ARL3: variants seen among roughly 807,000 people sequenced by gnomAD.
The protein encoded by ARL3 is ARF like GTPase 3.
Under a neutral mutation model 26.0 loss-of-function variants are expected in ARL3, and 9 were observed. The observed-to-expected ratio is 0.35, with a 90% CI of 0.21 to 0.60. The LOEUF (loss-of-function observed/expected upper bound fraction) is 0.60, where lower values mean the gene tolerates loss of function less well. ARL3 is among the 20% of genes least tolerant of loss of function. ARL3 has a pLI of 0.78. For synonymous variants in ARL3, 71 were observed against 78.4 expected, an observed-to-expected ratio of 0.91 and a Z score of 0.50; for missense variants, 158 against 215.7, an observed-to-expected ratio of 0.73 and a Z score of 1.67.
chr10:102,682,048 T>C (rs2064158119), intron 5 of ARL3, among the ~76,000 whole-genome samples: 2 of 152,102 alleles, frequency 1.3e-5, no homozygotes, highest in African/African-American at 4.8e-5. Context: ...CAGTGCAGAA[T>C]GTTTCATCCT....
Position 102,685,941 on chromosome 10 carries a change from T to C in ARL3, c.376A>G (p.Asn126Asp), listed in dbSNP as rs1469039987. ...GCTGCTGTGAGCAAATCCTGCTTATTAGCAAAGATGAGCACTGGCACACAA... is the reference window on the plus strand; with the variant it reads ...GCTGCTGTGAGCAAATCCTGCTTATCAGCAAAGATGAGCACTGGCACACAA... ...LSCVPVLIFANKQDLLTAAPA... is the reference protein window; with the variant it reads ...LSCVPVLIFADKQDLLTAAPA... Residue 126 changes from asparagine (N) to aspartate (D), a missense_variant, in exon 5 of 6, where the codon AAT becomes GAT. Asn to Asp is a conservative substitution (Grantham distance 23). Coordinates refer to ENST00000260746, the MANE Select transcript of ARL3 (RefSeq NM_004311.4). 6.2e-7 allele frequency: 1 copy of C among 1,614,206 alleles called. No individual in the cohort carries two copies. The highest frequency in any genetic ancestry group is 1.7e-5 in the Admixed American group (1 of 60,024).
intron 5 of ARL3, among the ~76,000 whole-genome samples, chr10:102,685,499 TAATATTAGAC>T (rs1289846673): frequency 6.6e-6 from 1 of 152,114 alleles, no homozygotes; most frequent in Non-Finnish European, 1.5e-5. Context: ...TTAGCATCCG[TAATATTAGAC>T]ACAACACAAA....
At chr10:102,709,029 G>A (rs1267045625) in intron 1 of ARL3, among the ~76,000 whole-genome samples, 3 of 150,258 alleles carry the variant, frequency 2.0e-5, no homozygotes, top group South Asian at 2.1e-4. Flanking sequence ...CTCAGCCTCC[G>A]GAGTAGCTGG....
rs61758715 is a variant in ARL3, at chr10:102,699,419, T to C, written c.218A>G (p.Lys73Arg). 2 of 1,613,128 alleles carry C rather than the reference T, an allele frequency of 1.2e-6. No individual in the cohort carries two copies. Among genetic ancestry groups the C allele is most frequent in the Non-Finnish European group, 1.7e-6 (2 of 1,179,318 alleles). ...LNVWDIGGQR[K>R]IRPYWKNYFE... is the part of the protein sequence containing the mutation. ...ATAATTCTTCCAGTATGGTCTGATT[T>C]TCCTCTGTCCACCAATGTCCCATAC... is the stretch of plus-strand genomic sequence containing the variant. Residue 73 changes from lysine to arginine, a missense_variant, in exon 3 of 6, where the codon AAA (lysine) becomes AGA (arginine). Lys to Arg is a conservative substitution (Grantham distance 26). Transcript: ENST00000260746.
At position 102,714,350 on chromosome 10, in the gene ARL3, G is replaced by T; in HGVS notation, c.-75C>A. 2 of 1,273,118 alleles carry T rather than the reference G, an allele frequency of 1.6e-6. No individual in the cohort carries two copies. Among genetic ancestry groups the T allele is most frequent in the Non-Finnish European group, 2.0e-6 (2 of 999,790 alleles). The allele number at this position is 1,273,118 out of a possible 1,614,324, so 78.9% of individuals were successfully genotyped here. A position where few individuals can be genotyped will look rare whatever the true frequency, so the allele number is the denominator to read the frequency against. On this transcript the variant is annotated 5_prime_UTR_variant, in exon 1 of 6. Coordinates refer to ENST00000260746, the MANE Select transcript of ARL3 (RefSeq NM_004311.4). ...TACCAGGGGCAACTGCTGCGGCGCC[G>T]CCCCCGACGTCCCTCGCACGCACAG...
At chr10:102,679,007 T>C (rs1298895407) in intron 5 of ARL3, among the ~76,000 whole-genome samples, 3 of 152,206 alleles carry the variant, frequency 2.0e-5, no homozygotes, top group Admixed American at 2.0e-4. Context: ...GCTGCAACCC[T>C]GAGTGTGGGA....
Position 102,674,757 on chromosome 10 carries a change from A to G in ARL3, c.*2137T>C, listed in dbSNP as rs1040961808. The stretch of plus-strand genomic sequence containing the variant: ...CCCAGGAGGGTTCAAAAGGGCTCAA[A>G]GGGAAGATGAAAGCGTGTGACATCT... On this transcript the variant is annotated 3_prime_UTR_variant, in exon 6 of 6. Transcript: ENST00000260746. The G allele has an allele frequency of 6.6e-6, 1 of 152,190 alleles. No individual in the cohort carries two copies. Among genetic ancestry groups the G allele is most frequent in the Non-Finnish European group, 1.5e-5 (1 of 68,024 alleles). 9.4% of individuals were successfully genotyped at this position (152,190 alleles called of 1,614,324 possible).
chr10:102,702,602 G>A (rs1216429717), intron 2 of ARL3, among the ~76,000 whole-genome samples: 1 of 152,078 alleles, frequency 6.6e-6, no homozygotes, highest in Non-Finnish European at 1.5e-5. Flanking sequence ...CTTCACGTTA[G>A]TGTTCTTGAG....
chr10:102,713,862 G>A (rs944717527), intron 1 of ARL3, among the ~76,000 whole-genome samples: 1 of 152,212 alleles, frequency 6.6e-6, no homozygotes, highest in African/African-American at 2.4e-5. Context: ...GCTTCTGGCC[G>A]GGCTCCAGAC....
intron 5 of ARL3, among the ~76,000 whole-genome samples, chr10:102,681,071 G>GA (rs1366813478): frequency 2.0e-5 from 3 of 152,148 alleles, no homozygotes; most frequent in Non-Finnish European, 2.9e-5. Context: ...GCCAGGCCTA[G>GA]AAAGAAGTGG....
intron 4 of ARL3, among the ~76,000 whole-genome samples, chr10:102,687,296 C>T (rs11814408): frequency 0.054 from 8,158 of 151,826 alleles, 740 homozygotes; most frequent in African/African-American, 0.19. Context: ...TGCAGTGGTG[C>T]GATCACAGCT....
chr10:102,700,282 G>A (rs1332467883), intron 2 of ARL3, among the ~76,000 whole-genome samples: 1 of 151,648 alleles, frequency 6.6e-6, no homozygotes, highest in East Asian at 2.0e-4. Context: ...GTTGGCGCAT[G>A]CCTGGAGTCC....
intron 4 of ARL3, among the ~76,000 whole-genome samples, chr10:102,688,028 C>A (rs1005159369): frequency 1.3e-5 from 2 of 152,154 alleles, no homozygotes; most frequent in Non-Finnish European, 2.9e-5. Context: ...CTAAAACATG[C>A]ATGCACATGC....
intron 4 of ARL3, among the ~76,000 whole-genome samples, chr10:102,688,228 T>G (rs948850947): frequency 6.6e-6 from 1 of 152,206 alleles, no homozygotes; most frequent in Non-Finnish European, 1.5e-5. Context: ...TTTAGCTACT[T>G]AAAACACATG....
At chr10:102,694,912 T>C (rs2064239077) in intron 3 of ARL3, among the ~76,000 whole-genome samples, 1 of 152,120 alleles carries the variant, frequency 6.6e-6, no homozygotes, top group Non-Finnish European at 1.5e-5. Flanking sequence ...ACAGATGGGG[T>C]TTCACCCCAT....
At chr10:102,708,908 A>ATATATATATATATTTTTTTTT in intron 1 of ARL3, among the ~76,000 whole-genome samples, 1 of 95,350 alleles carries the variant, frequency 1.0e-5, no homozygotes, top group African/African-American at 4.2e-5. Context: ...ATATATATAT[A>ATATATATATATATTTTTTTTT]TTTTTTTTTT....
At chr10:102,700,343 A>C (rs973257730) in intron 2 of ARL3, among the ~76,000 whole-genome samples, 1 of 142,298 alleles carries the variant, frequency 7.0e-6, no homozygotes, top group African/African-American at 2.6e-5. Context: ...CTGGAGGCAG[A>C]GGTTGCAGTG....
intron 1 of ARL3, 63 bp downstream of exon 1, chr10:102,714,210 G>C (rs200799107): frequency 3.1e-5 from 41 of 1,311,194 alleles, no homozygotes; most frequent in Non-Finnish European, 1.7e-5. Flanking sequence ...GCTCCGCCCT[G>C]GGCCTGGGGA....
At chr10:102,705,270 T>C (rs2064303158) in intron 2 of ARL3, 76 bp downstream of exon 2, 1 of 1,453,634 alleles carries the variant, frequency 6.9e-7, no homozygotes, top group Non-Finnish European at 9.2e-7. Context: ...CAAAACTGTA[T>C]TTCCCATTTT....
Sources: allele counts gnomAD v4.1 joint callset (sites outside exome capture counted in the v4.1 genomes callset), GRCh38; gene constraint gnomAD v4.1.1; transcripts MANE v1.5; gene names NCBI Gene and HGNC (gene_info 2026-07-23, HGNC 2026-07-21).